The following PTPN11 variants were observed in gnomAD, a reference collection of about 807,000 sequenced individuals.
PTPN11 encodes protein tyrosine phosphatase non-receptor type 11, also known as tyrosine-protein phosphatase non-receptor type 11.
Under a neutral mutation model 78.8 loss-of-function variants are expected in PTPN11, and 6 were observed. The observed-to-expected ratio is 0.08, with a 90% CI of 0.04 to 0.15. The LOEUF is 0.15. Ranked by LOEUF, PTPN11 falls within the 10% of genes least tolerant of loss-of-function variation. PTPN11 has a pLI of 1.00. For synonymous variants in PTPN11, 221 were observed against 263.5 expected, an observed-to-expected ratio of 0.84 and a Z score of 1.56; for missense variants, 386 against 744.8, an observed-to-expected ratio of 0.52 and a Z score of 5.61.
At chr12:112,481,957 A>C (rs2038602412) in intron 9 of PTPN11, 117 bp from the exon 10 acceptor site, 2 of 1,121,344 alleles carry the variant, frequency 1.8e-6, no homozygotes, top group Admixed American at 3.9e-5. Flanking sequence ...GATGCGAAAC[A>C]GGCCATTTTC....
At chr12:112,449,879 A>G (rs1056198946) in intron 2 of PTPN11, among the ~76,000 whole-genome samples, 1 of 152,144 alleles carries the variant, frequency 6.6e-6, no homozygotes, top group African/African-American at 2.4e-5. Context: ...CAGCCTGACC[A>G]ACATGGAGAA....
At chr12:112,472,498 CA>C (rs2038433774) in intron 6 of PTPN11, among the ~76,000 whole-genome samples, 1 of 151,304 alleles carries the variant, frequency 6.6e-6, no homozygotes. Context: ...TTATTTTCAG[CA>C]TTTCTCCACA....
chr12:112,470,196 T>C (rs1300214988), intron 6 of PTPN11, among the ~76,000 whole-genome samples: 2 of 152,214 alleles, frequency 1.3e-5, no homozygotes, highest in African/African-American at 4.8e-5. Context: ...GGGTAGGACC[T>C]GGGGCTGGGA....
At chr12:112,453,506 T>A in intron 4 of PTPN11, 119 bp downstream of exon 4, 1 of 827,388 alleles carries the variant, frequency 1.2e-6, no homozygotes, top group East Asian at 2.7e-5. Context: ...ATTTATTTAT[T>A]TATTTATTTA....
At chr12:112,455,784 C>G (rs769643666) in intron 5 of PTPN11, among the ~76,000 whole-genome samples, 166 bp from the exon 6 acceptor site, 2 of 151,454 alleles carry the variant, frequency 1.3e-5, no homozygotes, top group Admixed American at 1.3e-4. Context: ...ACAGAAAACA[C>G]GGTGAAACGA....
At position 112,502,222 on chromosome 12, in the gene PTPN11, C is replaced by T. The variant is rs397516797; in HGVS notation, c.1678C>T (p.Leu560Phe). ...ADQTSGDQSPLPPCTPTPPCA... is the reference protein window; with the variant it reads ...ADQTSGDQSPFPPCTPTPPCA... ...CCAGACGAGTGGAGATCAGAGCCCT[C>T]TCCCGCCTTGTACTCCAACGCCACC... Residue 560 changes from leucine (L) to phenylalanine (F), a missense_variant, in exon 14 of 16, where the codon CTC becomes TTC. Leu to Phe is a conservative substitution (Grantham distance 22, BLOSUM62 0). Coordinates refer to ENST00000351677, the MANE Select transcript of PTPN11 (RefSeq NM_002834.5). 78 of 1,613,728 alleles carry T rather than the reference C, an allele frequency of 4.8e-5. No homozygotes were observed. Among genetic ancestry groups the T allele is most frequent in the Admixed American group, 2.0e-4 (12 of 59,984 alleles).
At chr12:112,459,032 C>CAA (rs1290018033) in intron 6 of PTPN11, among the ~76,000 whole-genome samples, 1 of 63,250 alleles carries the variant, frequency 1.6e-5, no homozygotes, top group Non-Finnish European at 2.4e-5. Flanking sequence ...GAACCTGTCC[C>CAA]AAAAAAAAAA....
intron 13 of PTPN11, among the ~76,000 whole-genome samples, chr12:112,492,552 C>T (rs914071445): frequency 6.6e-6 from 1 of 151,004 alleles, no homozygotes; most frequent in Admixed American, 6.6e-5. Context: ...GAGTCTCGCA[C>T]CGTCTCCCAG....
At chr12:112,445,768 A>G (rs1363268462) in intron 1 of PTPN11, among the ~76,000 whole-genome samples, 1 of 151,416 alleles carries the variant, frequency 6.6e-6, no homozygotes, top group Non-Finnish European at 1.5e-5. Context: ...CAGCTTCTCA[A>G]GTAGCTGGGA....
intron 1 of PTPN11, among the ~76,000 whole-genome samples, chr12:112,445,061 A>G (rs539298635): frequency 6.6e-6 from 1 of 152,204 alleles, no homozygotes; most frequent in South Asian, 2.1e-4. Flanking sequence ...GTGTGTATAT[A>G]TATATGTGTG....
chr12:112,490,940 T>C (rs1313136948), intron 13 of PTPN11, among the ~76,000 whole-genome samples: 1 of 152,248 alleles, frequency 6.6e-6, no homozygotes, highest in Admixed American at 6.5e-5. Context: ...CCAGCTGATT[T>C]ATAAATGAAG....
chr12:112,438,800 T>C (rs1442801587), intron 1 of PTPN11, among the ~76,000 whole-genome samples: 1 of 152,056 alleles, frequency 6.6e-6, no homozygotes, highest in Non-Finnish European at 1.5e-5. Context: ...AATTTTTAAT[T>C]TTTTTGTAGA....
chr12:112,500,271 G>A (rs1342169492), intron 13 of PTPN11, among the ~76,000 whole-genome samples: 1 of 151,946 alleles, frequency 6.6e-6, no homozygotes, highest in Admixed American at 6.6e-5. Context: ...AAAACCAAAT[G>A]TTCTTGCCAA....
intron 6 of PTPN11, among the ~76,000 whole-genome samples, chr12:112,468,861 C>T (rs543814153): frequency 7.2e-5 from 11 of 152,230 alleles, no homozygotes; most frequent in Admixed American, 2.0e-4. Context: ...TCCTTGAGTG[C>T]GAGACCAGCC....
intron 6 of PTPN11, among the ~76,000 whole-genome samples, chr12:112,469,308 TC>T (rs1021444170): frequency 5.3e-5 from 8 of 152,028 alleles, no homozygotes; most frequent in African/African-American, 1.9e-4. Flanking sequence ...CTGAAGAAGG[TC>T]TCCATATGGT....
chr12:112,467,481 G>A (rs2038348882), intron 6 of PTPN11, among the ~76,000 whole-genome samples: 1 of 152,168 alleles, frequency 6.6e-6, no homozygotes, highest in African/African-American at 2.4e-5. Flanking sequence ...TGGGGTGGGA[G>A]CCACGCTCTT....
At chr12:112,464,437 A>T (rs1020497732) in intron 6 of PTPN11, among the ~76,000 whole-genome samples, 13 of 151,074 alleles carry the variant, frequency 8.6e-5, no homozygotes, top group African/African-American at 3.2e-4. Flanking sequence ...AATTTTTATT[A>T]GTTATTATTA....
intron 7 of PTPN11, among the ~76,000 whole-genome samples, chr12:112,474,071 C>T (rs894845077): frequency 6.6e-6 from 1 of 150,820 alleles, no homozygotes; most frequent in Non-Finnish European, 1.5e-5. Context: ...TTCTGTAGGC[C>T]GGCGCAGTGG....
intron 13 of PTPN11, among the ~76,000 whole-genome samples, chr12:112,495,862 G>A (rs2038807335): frequency 1.3e-5 from 2 of 152,112 alleles, no homozygotes; most frequent in South Asian, 2.1e-4. Flanking sequence ...CAGAAGGGTT[G>A]TATTGCTTTT....
Sources: allele counts gnomAD v4.1 joint callset (sites outside exome capture counted in the v4.1 genomes callset), GRCh38; gene constraint gnomAD v4.1.1; transcripts MANE v1.5; gene names NCBI Gene and HGNC (gene_info 2026-07-23, HGNC 2026-07-21).